Variants in MTRF1 observed in about 807,000 individuals in gnomAD.
MTRF1 encodes the protein peptide chain release factor 1, mitochondrial.
A neutral mutation model predicts 62.9 loss-of-function variants in MTRF1; 51 were observed. That is an observed-to-expected ratio of 0.81 (90% CI 0.65 to 1.02). The LOEUF (loss-of-function observed/expected upper bound fraction) is 1.02, where lower values mean the gene tolerates loss of function less well. Ranked by LOEUF, MTRF1 falls within the 50% of genes least tolerant of loss-of-function variation. MTRF1 has a pLI of 0.00. For synonymous variants in MTRF1, 158 were observed against 181.9 expected, an observed-to-expected ratio of 0.87 and a Z score of 1.06; for missense variants, 446 against 530.0, an observed-to-expected ratio of 0.84 and a Z score of 1.56.
At chr13:41,258,847 A>T (rs1270827671) in intron 2 of MTRF1, among the ~76,000 whole-genome samples, 1 of 152,188 alleles carries the variant, frequency 6.6e-6, no homozygotes, top group Non-Finnish European at 1.5e-5. Context: ...AAAACCACAG[A>T]ATGGGAAATT....
intron 5 of MTRF1, 114 bp downstream of exon 5, chr13:41,252,531 T>C (rs2039199063): frequency 1.4e-6 from 1 of 701,486 alleles, no homozygotes. Flanking sequence ...CCACAGTGTT[T>C]AGTAGATATA....
chr13:41,232,633 C>A (rs910892059), intron 7 of MTRF1, among the ~76,000 whole-genome samples: 4 of 152,132 alleles, frequency 2.6e-5, no homozygotes, highest in African/African-American at 9.7e-5. Context: ...TCTCAGGAAG[C>A]CACTTAAAGA....
At chr13:41,291,888 C>T in the MTRF1 span, among the ~76,000 whole-genome samples, 2 of 151,904 alleles carry the variant, frequency 1.3e-5, no homozygotes, top group African/African-American at 4.8e-5. Flanking sequence ...TTCAGCTGCC[C>T]CCATTAAAAT....
chr13:41,311,795 C>T, the MTRF1 span, among the ~76,000 whole-genome samples: 2 of 152,226 alleles, frequency 1.3e-5, no homozygotes, highest in Non-Finnish European at 2.9e-5. Flanking sequence ...TTTCCGCGGT[C>T]TTCTGCGGCT....
At chr13:41,288,069 AG>A in the MTRF1 span, 1 of 427,992 alleles carries the variant, frequency 2.3e-6, no homozygotes, top group Non-Finnish European at 4.7e-6. Context: ...AAGACTCACA[AG>A]GGAGAAGCAT....
At chr13:41,303,616 A>AT in the MTRF1 span, among the ~76,000 whole-genome samples, 1 of 152,200 alleles carries the variant, frequency 6.6e-6, no homozygotes, top group African/African-American at 2.4e-5. Flanking sequence ...TGTCAGAGCC[A>AT]TTTGAACCAG....
intron 5 of MTRF1, among the ~76,000 whole-genome samples, chr13:41,243,167 C>T (rs1446016318): frequency 1.3e-5 from 2 of 151,894 alleles, no homozygotes; most frequent in East Asian, 1.9e-4. Context: ...CGCAGTGAGC[C>T]AAGATCGTGC....
intron 9 of MTRF1, among the ~76,000 whole-genome samples, chr13:41,219,290 CAAAA>C (rs55810411): frequency 6.1e-5 from 8 of 131,910 alleles, no homozygotes; most frequent in Non-Finnish European, 6.5e-5. Flanking sequence ...GACTCTGTCT[CAAAA>C]AAAAAAAAAA....
intron 2 of MTRF1, among the ~76,000 whole-genome samples, chr13:41,257,148 G>A (rs2039837138): frequency 6.6e-6 from 1 of 152,164 alleles, no homozygotes; most frequent in African/African-American, 2.4e-5. Flanking sequence ...ATGGCAAGTT[G>A]TCTATTTTGG....
chr13:41,289,582 T>C, the MTRF1 span, among the ~76,000 whole-genome samples: 1 of 152,326 alleles, frequency 6.6e-6, no homozygotes, highest in East Asian at 1.9e-4. Context: ...GCTCAGTGGT[T>C]GGACCGAGAA....
At chr13:41,272,855 C>T in the MTRF1 span, among the ~76,000 whole-genome samples, 4 of 151,788 alleles carry the variant, frequency 2.6e-5, no homozygotes, top group South Asian at 2.1e-4. Flanking sequence ...AAAAGGCAGG[C>T]GGGGGCAGGG....
chr13:41,273,606 G>A, the MTRF1 span, among the ~76,000 whole-genome samples: 1 of 152,086 alleles, frequency 6.6e-6, no homozygotes, highest in African/African-American at 2.4e-5. Flanking sequence ...GGGAGGCTGA[G>A]GCAGGTGGAT....
chr13:41,276,249 G>A, the MTRF1 span, among the ~76,000 whole-genome samples: 1 of 151,492 alleles, frequency 6.6e-6, no homozygotes, highest in Non-Finnish European at 1.5e-5. Context: ...TCGGCTCACT[G>A]CAACCTCCAT....
At chr13:41,308,708 C>A in the MTRF1 span, among the ~76,000 whole-genome samples, 1 of 152,140 alleles carries the variant, frequency 6.6e-6, no homozygotes, top group Non-Finnish European at 1.5e-5. Flanking sequence ...TGAACCCCCA[C>A]TTTTATTTTT....
chr13:41,295,991 C>A, the MTRF1 span, among the ~76,000 whole-genome samples: 26 of 152,054 alleles, frequency 1.7e-4, no homozygotes, highest in South Asian at 5.4e-3. Flanking sequence ...TGCTCTGTTG[C>A]CCAAACTGGA....
chr13:41,240,487 G>A, intron 5 of MTRF1, 54 bp from the exon 6 acceptor site: 1 of 1,536,528 alleles, frequency 6.5e-7, no homozygotes, highest in Non-Finnish European at 8.8e-7. Context: ...AAACAGATCA[G>A]GATCCTAAAT....
At chr13:41,227,017 G>A (rs1465270040) in intron 7 of MTRF1, among the ~76,000 whole-genome samples, 1 of 152,088 alleles carries the variant, frequency 6.6e-6, no homozygotes, top group Non-Finnish European at 1.5e-5. Context: ...ATGGCTGGGC[G>A]CAGTGGCTCA....
chr13:41,220,618 C>T (rs1330779750), intron 9 of MTRF1: 4 of 1,287,446 alleles, frequency 3.1e-6, no homozygotes. Context: ...AGGGTCACGA[C>T]TACCACCCGT....
the MTRF1 span, among the ~76,000 whole-genome samples, chr13:41,280,977 G>T: frequency 6.6e-6 from 1 of 152,148 alleles, no homozygotes; most frequent in Non-Finnish European, 1.5e-5. Context: ...AGGTGACGTG[G>T]GGAAGAAAGA....
Sources: allele counts gnomAD v4.1 joint callset (sites outside exome capture counted in the v4.1 genomes callset), GRCh38; gene constraint gnomAD v4.1.1; transcripts MANE v1.5; gene names NCBI Gene and HGNC (gene_info 2026-07-23, HGNC 2026-07-21).